The following PTPRN2 variants were observed in gnomAD, a reference collection of about 807,000 sequenced individuals.
The protein encoded by PTPRN2 is protein tyrosine phosphatase receptor type N2.
PTPRN2 carries 74 observed loss-of-function variants against 118.8 expected under a neutral mutation model. The observed-to-expected ratio is 0.62, with a 90% CI of 0.52 to 0.76. The LOEUF is 0.76. Ranked by LOEUF, PTPRN2 falls within the 30% of genes least tolerant of loss-of-function variation. PTPRN2 has a pLI of 0.00. For missense variants in PTPRN2, 1,481 were observed against 1,394.4 expected (o/e 1.06, Z -0.99); for synonymous variants, 641 against 608.0 (o/e 1.05, Z -0.80).
intron 11 of PTPRN2, among the ~76,000 whole-genome samples, chr7:158,045,771 T>C (rs931994802): frequency 2.0e-5 from 3 of 151,324 alleles, no homozygotes; most frequent in South Asian, 4.2e-4. Flanking sequence ...ATCCTGACAC[T>C]GCCTCGTTCT....
intron 14 of PTPRN2, among the ~76,000 whole-genome samples, chr7:157,639,492 T>C (rs1389101220): frequency 6.6e-6 from 1 of 152,210 alleles, no homozygotes; most frequent in Non-Finnish European, 1.5e-5. Flanking sequence ...TAACCTGAAG[T>C]GTCTTCCTCC....
chr7:158,540,637 GACC>G (rs1825931721), intron 1 of PTPRN2, among the ~76,000 whole-genome samples: 1 of 152,214 alleles, frequency 6.6e-6, no homozygotes, highest in South Asian at 2.1e-4. Context: ...ATCCAGACGA[GACC>G]ACAAGGGACC....
Position 158,525,731 on chromosome 7 carries a change from G to T in PTPRN2, c.113-35946C>A, listed in dbSNP as rs188518347. On this transcript the variant is annotated intron_variant, in intron 1 of 22. Transcript: ENST00000389418. The surrounding 1 kb of genome is among the most constrained non-coding windows in gnomAD (Gnocchi z 4.1). ...CATTCCCAAGCAGCCCTCGGGGGCA[G>T]ATGCCCCCATCTCCCAGGACATCTC... Among the ~76,000 whole-genome samples the T allele has an allele frequency of 6.6e-6, 1 of 152,204 alleles. No homozygotes were observed. Among genetic ancestry groups the T allele is most frequent in the African/African-American group, 2.4e-5 (1 of 41,458 alleles).
chr7:158,016,004 G>A (rs1387740184), intron 11 of PTPRN2, among the ~76,000 whole-genome samples: 1 of 152,172 alleles, frequency 6.6e-6, no homozygotes, highest in Non-Finnish European at 1.5e-5. Flanking sequence ...TCAGGTTCTG[G>A]GGGCCTCGGT....
intron 1 of PTPRN2, among the ~76,000 whole-genome samples, chr7:158,548,100 G>A (rs371595818): frequency 1.3e-5 from 2 of 152,154 alleles, no homozygotes; most frequent in East Asian, 1.9e-4. Flanking sequence ...GACTCAAAGC[G>A]GCCAGCAGGA....
intron 5 of PTPRN2, among the ~76,000 whole-genome samples, chr7:158,179,731 T>C (rs1438137685): frequency 6.6e-6 from 1 of 152,234 alleles, no homozygotes; most frequent in African/African-American, 2.4e-5. Flanking sequence ...CTGAACCAAA[T>C]TGAGGACTAG....
intron 2 of PTPRN2, among the ~76,000 whole-genome samples, chr7:158,464,451 C>T (rs113292138): frequency 7.8e-5 from 8 of 102,622 alleles, no homozygotes; most frequent in South Asian, 8.8e-4. Context: ...TCCTTCATCA[C>T]CACCGTCATC....
At chr7:158,125,144 C>T (rs1585518497) in intron 9 of PTPRN2, among the ~76,000 whole-genome samples, 1 of 152,118 alleles carries the variant, frequency 6.6e-6, no homozygotes, top group South Asian at 2.1e-4. Flanking sequence ...GGCCACCCCC[C>T]TGCCTCAAGT....
chr7:157,679,741 G>A (rs891157997), intron 13 of PTPRN2, among the ~76,000 whole-genome samples: 1 of 152,208 alleles, frequency 6.6e-6, no homozygotes, highest in African/African-American at 2.4e-5. Flanking sequence ...AAGCACTAAT[G>A]ATGTGCGTGC....
At chr7:158,470,899 T>C (rs1022636805) in intron 2 of PTPRN2, among the ~76,000 whole-genome samples, 7 of 151,756 alleles carry the variant, frequency 4.6e-5, no homozygotes, top group Non-Finnish European at 8.8e-5. Context: ...GGTGGTGAGA[T>C]CTCAGCTCAC....
intron 11 of PTPRN2, among the ~76,000 whole-genome samples, chr7:158,049,854 G>C (rs1026162955): frequency 6.6e-6 from 1 of 151,950 alleles, no homozygotes; most frequent in African/African-American, 2.4e-5. Flanking sequence ...AGTGAACCAA[G>C]ATCGCACCAT....
chr7:157,771,666 CACAA>C (rs1162763708), intron 12 of PTPRN2, among the ~76,000 whole-genome samples: 9 of 152,098 alleles, frequency 5.9e-5, no homozygotes, highest in Non-Finnish European at 5.9e-5. Context: ...GTCAGAGACA[CACAA>C]ACACACAGAC....
intron 11 of PTPRN2, among the ~76,000 whole-genome samples, chr7:158,073,407 G>A (rs889829195): frequency 1.3e-5 from 2 of 152,160 alleles, no homozygotes; most frequent in African/African-American, 2.4e-5. Context: ...TGGCTTCAGG[G>A]CCGCACTGGC....
intron 15 of PTPRN2, among the ~76,000 whole-genome samples, chr7:157,621,005 C>A (rs913307109): frequency 6.7e-6 from 1 of 150,042 alleles, no homozygotes; most frequent in African/African-American, 2.5e-5. Context: ...CGCCTGTAAC[C>A]CAGGCCTCCT....
intron 12 of PTPRN2, among the ~76,000 whole-genome samples, chr7:157,790,242 T>C (rs1232228020): frequency 7.2e-6 from 1 of 138,250 alleles, no homozygotes; most frequent in African/African-American, 2.7e-5. Context: ...TGTGTGTGTG[T>C]CTGTGGTGGG....
At chr7:158,401,687 T>C (rs1490703316) in intron 2 of PTPRN2, among the ~76,000 whole-genome samples, 1 of 152,240 alleles carries the variant, frequency 6.6e-6, no homozygotes, top group Non-Finnish European at 1.5e-5. Flanking sequence ...TAAAATATCT[T>C]GATGATCTGA....
intron 12 of PTPRN2, among the ~76,000 whole-genome samples, chr7:157,715,018 C>T (rs1040801011): frequency 1.3e-5 from 2 of 152,226 alleles, no homozygotes; most frequent in Non-Finnish European, 2.9e-5. Flanking sequence ...ATGGATTCTC[C>T]GTCTCCTGCT....
At chr7:158,211,523 C>A (rs904638252) in intron 3 of PTPRN2, among the ~76,000 whole-genome samples, 1 of 152,106 alleles carries the variant, frequency 6.6e-6, no homozygotes, top group Non-Finnish European at 1.5e-5. Context: ...AAAAAAATTT[C>A]AATAATCTAA....
intron 3 of PTPRN2, among the ~76,000 whole-genome samples, chr7:158,259,711 G>A (rs1272833645): frequency 6.7e-6 from 1 of 148,578 alleles, no homozygotes; most frequent in African/African-American, 2.4e-5. Flanking sequence ...TGTCCCGGGT[G>A]TACAGGTATG....
Sources: gnomAD v4.1 joint callset for allele counts (sites outside exome capture counted in the v4.1 genomes callset) on GRCh38, gnomAD v4.1.1 for gene constraint, Gnocchi (gnomAD v3.1) non-coding constraint, MANE v1.5 for transcripts, NCBI Gene and HGNC (gene_info 2026-07-23, HGNC 2026-07-21) for gene names.